The following RTKN variants were observed in gnomAD, a reference collection of about 807,000 sequenced individuals.
RTKN encodes the protein rhotekin.
Under a neutral mutation model 63.5 loss-of-function variants are expected in RTKN, and 49 were observed. That is an observed-to-expected ratio of 0.77 (90% CI 0.61 to 0.98). The LOEUF is 0.98. Among genes scored for constraint, RTKN ranks in the 50% least tolerant of loss-of-function variants. RTKN has a pLI of 0.00. For synonymous variants in RTKN, 295 were observed against 290.4 expected (o/e 1.02, Z -0.16); for missense variants, 685 against 740.8 (o/e 0.92, Z 0.87).
At position 74,427,423 on chromosome 2, in the gene RTKN, C is replaced by T. The variant is rs1221257583; in HGVS notation, c.1255+1G>A. 1 of 1,614,078 alleles carries T rather than the reference C, an allele frequency of 6.2e-7. No homozygotes were observed. Among genetic ancestry groups the T allele is most frequent in the Admixed American group, 1.7e-5 (1 of 60,002 alleles). On this transcript the variant is annotated splice_donor_variant, in intron 10 of 11. Transcript: ENST00000272430. LOFTEE classifies it high-confidence loss of function. The stretch of plus-strand genomic sequence containing the variant: ...TTCAACCCAGCCCCCTTCTCTCTTA[C>T]TCATGTCAAAGAAAAGCTGCCACAG...
Position 74,428,630 on chromosome 2 carries a change from C to T in RTKN, c.957+1G>A, listed in dbSNP as rs1387360651. On this transcript the variant is annotated splice_donor_variant, in intron 8 of 11. Coordinates refer to ENST00000272430, the MANE Select transcript of RTKN (RefSeq NM_001015055.2). LOFTEE classifies it high-confidence loss of function. ...CCTTCCACTCCTCAGGGCCCCCTCA[C>T]CTGCACCCTGAGGGTACCACTTGCA... 1 of 1,611,972 alleles carries T rather than the reference C, an allele frequency of 6.2e-7. No homozygotes were observed. The highest frequency in any genetic ancestry group is 8.5e-7 in the Non-Finnish European group (1 of 1,178,496).
Position 74,436,232 on chromosome 2 carries a change from G to C in RTKN, c.112-3566C>G, listed in dbSNP as rs1363872618. Among the ~76,000 whole-genome samples the C allele has an allele frequency of 2.0e-5, 3 of 152,270 alleles. No homozygotes were observed. The highest frequency in any genetic ancestry group is 6.5e-5 in the Admixed American group (1 of 15,292). The stretch of plus-strand genomic sequence containing the variant: ...GCTCCATTGCGAGAGGCGCGCAGAG[G>C]CGCGCGAGGTCCAGAGAGCTGCACT... On this transcript the variant is annotated intron_variant, in intron 1 of 11. Transcript: ENST00000272430. This position sits in a 1 kb window ranked among gnomAD's most constrained non-coding sequence, Gnocchi z 4.3.
intron 9 of RTKN, 150 bp downstream of exon 9, chr2:74,428,118 A>G (rs563768725): frequency 2.1e-6 from 2 of 944,350 alleles, no homozygotes. Context: ...TAGTTGGGGA[A>G]AATACGGGCC....
Position 74,441,714 on chromosome 2 carries a change from GGTCGCTGAAGAGGCTGA to G in RTKN, c.86_102del (p.Leu29ProfsTer14). 1 of 1,609,930 alleles carries G rather than the reference GGTCGCTGAAGAGGCTGA, an allele frequency of 6.2e-7. No individual in the cohort carries two copies. Among genetic ancestry groups the G allele is most frequent in the Non-Finnish European group, 8.5e-7 (1 of 1,178,686 alleles). On this transcript the variant is annotated frameshift_variant, in exon 1 of 12. Transcript: ENST00000272430. LOFTEE classifies it high-confidence loss of function. ...GGACGCGAGTCTCTCACCTCGGGCA[GGTCGCTGAAGAGGCTGA>G]GTCGGAAGCGGCCGCGTTTGAACTC...
At chr2:74,429,079 G>C in intron 6 of RTKN, 137 bp from the exon 7 acceptor site, 1 of 681,170 alleles carries the variant, frequency 1.5e-6, no homozygotes, top group Non-Finnish European at 2.6e-6. Flanking sequence ...GGTTAGGAAT[G>C]AACATTTACC....
At position 74,430,342 on chromosome 2, in the gene RTKN, A is replaced by T. The variant is rs766182748; in HGVS notation, c.455T>A (p.Leu152Gln). ...CTGGATGTGTTCCCCCAGCTGCAGC[A>T]GCAGGAACACAGCCCAGCGGTGCAA... The part of the protein sequence containing the change: ...GDLHRWAVFL[L>Q]LQLGEHIQDT... Residue 152 changes from leucine to glutamine, a missense_variant, in exon 5 of 12, where the codon CTG becomes CAG. Physicochemically the swap from Leu to Gln is moderately radical, Grantham distance 113. Transcript: ENST00000272430. The T allele has an allele frequency of 3.1e-6, 5 of 1,614,252 alleles. No individual in the cohort carries two copies. In the South Asian group the frequency reaches 5.5e-5, roughly 18 times the overall value.
At position 74,428,467 on chromosome 2, in the gene RTKN, G is replaced by A. The variant is rs181812221; in HGVS notation, c.958-71C>T. 275 of 1,611,310 alleles carry A rather than the reference G, an allele frequency of 1.7e-4. 2 individuals carry two copies. In the East Asian group the frequency reaches 5.0e-3, roughly 29 times the overall value. ...TATCCCTCTTCTCAGCCCCCCATGA[G>A]AACCTGTTCGTTTTGTCCACCCTGC... is the stretch of plus-strand genomic sequence containing the variant. On this transcript the variant is annotated intron_variant, in intron 8 of 11. Coordinates refer to ENST00000272430, the MANE Select transcript of RTKN (RefSeq NM_001015055.2).
rs574840852 is a variant in RTKN at position 74,425,908 on chromosome 2, A to G, written c.*335T>C. The stretch of plus-strand genomic sequence containing the variant: ...TGCTGTTAAATAACTTTAATGGTTG[A>G]TGTGGGAGTCACAAGGGAGGTATGT... On this transcript the variant is annotated 3_prime_UTR_variant, in exon 12 of 12. Transcript: ENST00000272430. 153 of 808,480 alleles carry G rather than the reference A, an allele frequency of 1.9e-4. No individual in the cohort carries two copies. Among genetic ancestry groups the G allele is most frequent in the Middle Eastern group, 1.5e-3 (4 of 2,722 alleles). 50.1% of individuals were successfully genotyped at this position (808,480 alleles called of 1,614,324 possible).
chr2:74,439,765 G>A, intron 1 of RTKN: 5 of 1,498,274 alleles, frequency 3.3e-6, no homozygotes, highest in Non-Finnish European at 4.5e-6. Flanking sequence ...GGCAGAAGCT[G>A]CCCTTATCCC....
chr2:74,427,923 G>T, intron 9 of RTKN: 1 of 483,650 alleles, frequency 2.1e-6, no homozygotes, highest in Admixed American at 3.4e-5. Flanking sequence ...GGGATAGGGA[G>T]CAAAGAAGGG....
Position 74,430,533 on chromosome 2 carries a change from G to T in RTKN, c.374-15C>A, listed in dbSNP as rs756362364. On this transcript the variant is annotated splice_polypyrimidine_tract_variant and intron_variant, in intron 3 of 11. Coordinates refer to ENST00000272430, the MANE Select transcript of RTKN (RefSeq NM_001015055.2). ...AATCCGGAGGTCTAAGGGGCAGAGG[G>T]GTAAGAATAGATGTTGAGATGGGGC... 1 of 1,614,084 alleles carries T rather than the reference G, an allele frequency of 6.2e-7. No individual in the cohort carries two copies. The highest frequency in any genetic ancestry group is 1.7e-5 in the Admixed American group (1 of 60,024).
At chr2:74,434,154 G>A (rs1670925072) in intron 1 of RTKN, among the ~76,000 whole-genome samples, 1 of 151,948 alleles carries the variant, frequency 6.6e-6, no homozygotes, top group South Asian at 2.1e-4. Context: ...CCAAGCTGGA[G>A]TACAGTGGCG....
At chr2:74,440,337 C>T (rs1572904948) in intron 1 of RTKN, 3 of 985,880 alleles carry the variant, frequency 3.0e-6, no homozygotes, top group East Asian at 1.1e-4. Flanking sequence ...CCGCTCCACC[C>T]TGGGCTCACA....
In RTKN at chr2:74,441,694, C is replaced by T. The variant is rs1173001498; in HGVS notation, c.111+12G>A. On this transcript the variant is annotated intron_variant, in intron 1 of 11. Transcript: ENST00000272430. Reference sequence around the variant, plus strand: ...GCCGCGGAAGGGGAAGGCAGGGACGCGAGTCTCTCACCTCGGGCAGGTCGC... The same window carrying T: ...GCCGCGGAAGGGGAAGGCAGGGACGTGAGTCTCTCACCTCGGGCAGGTCGC... 2.5e-6 allele frequency: 4 copies of T among 1,597,296 alleles called. No homozygotes were observed. In the South Asian group the frequency reaches 3.4e-5, roughly 13 times the overall value.
Position 74,432,561 on chromosome 2 carries a change from T to G in RTKN, c.217A>C (p.Lys73Gln). 6.2e-7 allele frequency: 1 copy of G among 1,614,046 alleles called. No individual in the cohort carries two copies. The highest frequency in any genetic ancestry group is 8.5e-7 in the Non-Finnish European group (1 of 1,179,990). ...CGGCTGTTGCACACTAGCAGGCTCT[T>G]GGTGGCCTCCAGAGCCTGCTCTCGC... is the stretch of plus-strand genomic sequence containing the variant. ...SQREQALEAT[K>Q]SLLVCNSRIL... Residue 73 changes from lysine (K) to glutamine (Q), a missense_variant, in exon 2 of 12, where the codon AAG becomes CAG. Physicochemically the swap from Lys to Gln is moderately conservative, Grantham distance 53. Transcript: ENST00000272430.
chr2:74,427,498 T>C lies in RTKN; in HGVS notation c.1181A>G (p.His394Arg). The change falls in exon 10 of 12, where the codon CAC becomes CGC. Residue 394 changes from histidine (H) to arginine (R), a missense_variant. His to Arg is a conservative substitution (Grantham distance 29). Coordinates refer to ENST00000272430, the MANE Select transcript of RTKN (RefSeq NM_001015055.2). ...SNQYGDDEVT[H>R]TLQTESREAL... ...TTCCCGACTTTCTGTCTGAAGGGTGTGTGTCACCTCATCATCCCCATACTG... is the reference window on the plus strand; with the variant it reads ...TTCCCGACTTTCTGTCTGAAGGGTGCGTGTCACCTCATCATCCCCATACTG... 3 of 1,614,156 alleles carry C rather than the reference T, an allele frequency of 1.9e-6. No homozygotes were observed. Among genetic ancestry groups the C allele is most frequent in the Non-Finnish European group, 2.5e-6 (3 of 1,180,022 alleles).
At chr2:74,438,172 C>T (rs1408918201) in intron 1 of RTKN, among the ~76,000 whole-genome samples, 1 of 152,086 alleles carries the variant, frequency 6.6e-6, no homozygotes, top group African/African-American at 2.4e-5. Flanking sequence ...CAGTCACTTC[C>T]ACAACTTCCT....
rs750006959 is a variant in RTKN at position 74,432,649 on chromosome 2, C to T, written c.129G>A (p.Arg43=). ...TCATCCGGATCTCATGGTCTAGCTT[C>T]CTCTGCAACTCCGTGTCCTAGCCAG... ...SDLPEDTELQ[R]KLDHEIRMRE... is the part of the protein sequence containing the mutation. Residue 43 remains arginine, a synonymous_variant, in exon 2 of 12, where the codon AGG becomes AGA. Coordinates refer to ENST00000272430, the MANE Select transcript of RTKN (RefSeq NM_001015055.2). 6.2e-7 allele frequency: 1 copy of T among 1,614,220 alleles called. No individual in the cohort carries two copies. The highest frequency in any genetic ancestry group is 1.1e-5 in the South Asian group (1 of 91,082).
chr2:74,437,263 C>A (rs898452808), intron 1 of RTKN, among the ~76,000 whole-genome samples: 2 of 152,198 alleles, frequency 1.3e-5, no homozygotes, highest in African/African-American at 4.8e-5. Context: ...GGGCCTAGCA[C>A]ATATTTTAAA....
Sources: allele counts gnomAD v4.1 joint callset (sites outside exome capture counted in the v4.1 genomes callset), GRCh38; gene constraint gnomAD v4.1.1; non-coding constraint Gnocchi (gnomAD v3.1); transcripts MANE v1.5; gene names NCBI Gene and HGNC (gene_info 2026-07-23, HGNC 2026-07-21).